Variants in SYN3 observed in about 807,000 individuals in gnomAD.
The protein encoded by SYN3 is synapsin-3.
A neutral mutation model predicts 65.8 loss-of-function variants in SYN3; 35 were observed. The observed-to-expected ratio is 0.53, with a 90% CI of 0.41 to 0.70. SYN3 has a LOEUF of 0.70. Ranked by LOEUF, SYN3 falls within the 30% of genes least tolerant of loss-of-function variation. The pLI is 0.00. For synonymous variants in SYN3, 270 were observed against 292.9 expected (o/e 0.92, Z 0.80); for missense variants, 680 against 749.0 (o/e 0.91, Z 1.08).
At chr22:32,723,151 C>T (rs939395209) in intron 6 of SYN3, among the ~76,000 whole-genome samples, 6 of 152,164 alleles carry the variant, frequency 3.9e-5, no homozygotes, top group African/African-American at 7.2e-5. Context: ...AGCCATCTGC[C>T]GCCAGAAAGG....
chr22:32,652,830 A>G (rs991213550), intron 6 of SYN3, among the ~76,000 whole-genome samples: 2 of 152,286 alleles, frequency 1.3e-5, no homozygotes, highest in East Asian at 1.9e-4. Context: ...CGCCCTGTCC[A>G]GGCTGGCTCC....
chr22:32,882,073 C>A (rs983480046), intron 4 of SYN3, among the ~76,000 whole-genome samples: 13 of 151,244 alleles, frequency 8.6e-5, no homozygotes, highest in South Asian at 2.1e-4. Flanking sequence ...AAAAAAGGAA[C>A]CTCGAGGGTT....
chr22:32,597,359 A>G (rs991471149), intron 6 of SYN3, among the ~76,000 whole-genome samples: 2 of 151,556 alleles, frequency 1.3e-5, no homozygotes, highest in Admixed American at 1.3e-4. Flanking sequence ...GGGATTACAG[A>G]TGCCTGCCAC....
At chr22:32,529,448 G>A (rs1324082226) in intron 10 of SYN3, among the ~76,000 whole-genome samples, 3 of 152,178 alleles carry the variant, frequency 2.0e-5, no homozygotes, top group Admixed American at 6.5e-5. Context: ...TATGACGCGG[G>A]CTGGAGTTGA....
intron 6 of SYN3, among the ~76,000 whole-genome samples, chr22:32,772,439 T>A (rs1020278433): frequency 5.9e-5 from 9 of 151,868 alleles, no homozygotes; most frequent in Non-Finnish European, 1.2e-4. Flanking sequence ...CGGGCAAGCT[T>A]CCTTGTCCTT....
intron 6 of SYN3, among the ~76,000 whole-genome samples, chr22:32,795,970 A>G (rs2046418903): frequency 6.6e-6 from 1 of 152,120 alleles, no homozygotes; most frequent in African/African-American, 2.4e-5. Flanking sequence ...TGTCCATCCC[A>G]TTCCCTCCCA....
At chr22:32,765,464 G>A (rs1203401515) in intron 6 of SYN3, among the ~76,000 whole-genome samples, 1 of 152,156 alleles carries the variant, frequency 6.6e-6, no homozygotes, top group Non-Finnish European at 1.5e-5. Context: ...GAACAAGGTG[G>A]CTGAGGATTC....
At chr22:32,667,229 C>T (rs1307332563) in intron 6 of SYN3, among the ~76,000 whole-genome samples, 1 of 151,420 alleles carries the variant, frequency 6.6e-6, no homozygotes, top group African/African-American at 2.4e-5. Flanking sequence ...TTCTCCATTC[C>T]TTCTTCCTCA....
intron 6 of SYN3, among the ~76,000 whole-genome samples, chr22:32,646,629 T>C (rs1476134878): frequency 6.6e-6 from 1 of 152,178 alleles, no homozygotes; most frequent in African/African-American, 2.4e-5. Context: ...TACAGCGTTA[T>C]GGGAGCAGGA....
chr22:32,922,986 C>A (rs2050373617), intron 4 of SYN3, among the ~76,000 whole-genome samples: 1 of 152,140 alleles, frequency 6.6e-6, no homozygotes, highest in Admixed American at 6.5e-5. Context: ...CAGGATATAT[C>A]AAAGAGGAGA....
chr22:32,550,194 G>A (rs1225353104), intron 7 of SYN3, among the ~76,000 whole-genome samples: 5 of 152,204 alleles, frequency 3.3e-5, no homozygotes, highest in East Asian at 1.9e-4. Context: ...GGCTGAGCAC[G>A]TGGATCTCTG....
intron 6 of SYN3, among the ~76,000 whole-genome samples, chr22:32,834,899 G>C (rs1421840763): frequency 6.6e-6 from 1 of 152,158 alleles, no homozygotes; most frequent in East Asian, 1.9e-4. Flanking sequence ...GCTTATATCT[G>C]TCACCCAGGG....
intron 6 of SYN3, chr22:32,864,704 T>C: frequency 2.2e-6 from 1 of 459,320 alleles, no homozygotes; most frequent in Non-Finnish European, 4.0e-6. Context: ...TTCACCTTTG[T>C]TATTTGCCCT....
chr22:32,606,502 T>C (rs2059374277), intron 6 of SYN3, among the ~76,000 whole-genome samples: 2 of 152,222 alleles, frequency 1.3e-5, no homozygotes, highest in Non-Finnish European at 2.9e-5. Flanking sequence ...TTCTGCCATG[T>C]TGTGACAAAT....
At position 32,977,528 on chromosome 22, in the gene SYN3, G is replaced by A. The variant is rs188860128; in HGVS notation, c.369+3117C>T. 5.3e-5 allele frequency among the ~76,000 whole-genome samples: 8 copies of A among 152,002 alleles called. No individual in the cohort carries two copies. In the East Asian group the frequency reaches 1.4e-3, roughly 26 times the overall value. ...TGGGAGGCCGAGGCGGGTGGATCACGAGGTCAAGAGATCGAGACCATCCTG... is the reference window on the plus strand; with the variant it reads ...TGGGAGGCCGAGGCGGGTGGATCACAAGGTCAAGAGATCGAGACCATCCTG... On this transcript the variant is annotated intron_variant, in intron 3 of 13. Coordinates refer to ENST00000358763, the MANE Select transcript of SYN3 (RefSeq NM_003490.4).
At chr22:33,034,375 T>C (rs2053814653) in intron 1 of SYN3, among the ~76,000 whole-genome samples, 1 of 151,566 alleles carries the variant, frequency 6.6e-6, no homozygotes, top group African/African-American at 2.4e-5. Flanking sequence ...GCCTCCCGAG[T>C]AGGTGGGATT....
chr22:32,542,996 C>G (rs182143704), intron 7 of SYN3, among the ~76,000 whole-genome samples: 2 of 152,130 alleles, frequency 1.3e-5, no homozygotes, highest in Non-Finnish European at 2.9e-5. Context: ...GGGTCAGAGA[C>G]GGGCAGAGCC....
At chr22:32,878,237 G>A (rs1157780787) in intron 4 of SYN3, among the ~76,000 whole-genome samples, 2 of 152,162 alleles carry the variant, frequency 1.3e-5, no homozygotes, top group East Asian at 3.9e-4. Flanking sequence ...TTCTGTTAAA[G>A]GTCTGTCGTG....
At chr22:32,577,282 T>G (rs34630391) in intron 7 of SYN3, among the ~76,000 whole-genome samples, 26,680 of 152,194 alleles carry the variant, frequency 0.18, 2,787 homozygotes, top group Middle Eastern at 0.28. Context: ...ACCTGCGATG[T>G]CTCCTTATCT....
Sources: allele counts gnomAD v4.1 joint callset (sites outside exome capture counted in the v4.1 genomes callset), GRCh38; gene constraint gnomAD v4.1.1; transcripts MANE v1.5; gene names NCBI Gene and HGNC (gene_info 2026-07-23, HGNC 2026-07-21).